The following SPINK6 variants were observed in gnomAD, a reference collection of about 807,000 sequenced individuals.
SPINK6 encodes the protein serine peptidase inhibitor Kazal type 6, also known as serine protease inhibitor Kazal-type 6.
SPINK6 carries 13 observed loss-of-function variants against 11.7 expected under a neutral mutation model. The observed-to-expected ratio is 1.11, with a 90% CI of 0.72 to 1.76. SPINK6 has a LOEUF of 1.76. Among genes scored for constraint, SPINK6 ranks in the 40% most tolerant of loss-of-function variants. The pLI is 0.00. For missense variants in SPINK6, 98 were observed against 93.7 expected (o/e 1.05, Z -0.19); for synonymous variants, 21 against 31.9 (o/e 0.66, Z 1.15).
intron 2 of SPINK6, among the ~76,000 whole-genome samples, chr5:148,208,087 T>C (rs1755523591): frequency 6.6e-6 from 1 of 152,180 alleles, no homozygotes; most frequent in African/African-American, 2.4e-5. Flanking sequence ...ATAATATAGA[T>C]GAGTGGAGTC....
At chr5:148,210,007 C>CCTACACACGTACGTATGT (rs1408259548) in intron 2 of SPINK6, among the ~76,000 whole-genome samples, 2 of 105,730 alleles carry the variant, frequency 1.9e-5, no homozygotes, top group African/African-American at 5.1e-5. Flanking sequence ...CGTATGTATA[C>CCTACACACGTACGTATGT]ATGTATGTAC....
At chr5:148,210,007 C>CATACACACGGACGTATGT (rs1554112271) in intron 2 of SPINK6, among the ~76,000 whole-genome samples, 1 of 105,730 alleles carries the variant, frequency 9.5e-6, no homozygotes, top group Non-Finnish European at 1.8e-5. Flanking sequence ...CGTATGTATA[C>CATACACACGGACGTATGT]ATGTATGTAC....
chr5:148,213,348 C>T (rs879805080), intron 2 of SPINK6, among the ~76,000 whole-genome samples: 1 of 151,998 alleles, frequency 6.6e-6, no homozygotes, highest in African/African-American at 2.4e-5. Flanking sequence ...AGGTGCCCGC[C>T]ACCACACCCG....
At chr5:148,203,275 CATA>C (rs1561729956) in intron 1 of SPINK6, 121 bp downstream of exon 1, 2 of 688,672 alleles carry the variant, frequency 2.9e-6, no homozygotes, top group African/African-American at 3.6e-5. Context: ...GAGAGATTAT[CATA>C]ATGATGATAA....
chr5:148,213,952 C>G lies in SPINK6; in HGVS notation c.124C>G (p.Arg42Gly), dbSNP rs756589379. 6.2e-7 allele frequency: 1 copy of G among 1,613,578 alleles called. No individual in the cohort carries two copies. The highest frequency in any genetic ancestry group is 1.1e-5 in the South Asian group (1 of 91,066). ...CCAGGACCCCAAGGTCTACTGCACTCGGGAATCTAACCCACACTGTGGCTC... is the reference window on the plus strand; with the variant it reads ...CCAGGACCCCAAGGTCTACTGCACTGGGGAATCTAACCCACACTGTGGCTC... ...EFQDPKVYCT[R>G]ESNPHCGSDG... The change falls in exon 3 of 4, where the codon CGG becomes GGG. Residue 42 changes from arginine to glycine, a missense_variant. Coordinates refer to ENST00000325630, the MANE Select transcript of SPINK6 (RefSeq NM_205841.4).
intron 2 of SPINK6, among the ~76,000 whole-genome samples, chr5:148,207,697 G>A (rs1027606468): frequency 1.3e-5 from 2 of 152,094 alleles, no homozygotes; most frequent in African/African-American, 4.8e-5. Context: ...CAGGCGTGGT[G>A]GAGTACCTGC....
At chr5:148,209,997 C>CACGTACGGAT (rs1561732192) in intron 2 of SPINK6, among the ~76,000 whole-genome samples, 4 of 145,990 alleles carry the variant, frequency 2.7e-5, no homozygotes, top group South Asian at 4.4e-4. Flanking sequence ...TACATATACA[C>CACGTACGGAT]GTATGTATAC....
chr5:148,203,431 T>C (rs1755460481), intron 1 of SPINK6, among the ~76,000 whole-genome samples: 1 of 152,270 alleles, frequency 6.6e-6, no homozygotes, highest in Non-Finnish European at 1.5e-5. Flanking sequence ...ATCTCTGTTC[T>C]TCATATAAGA....
At position 148,214,963 on chromosome 5, in the gene SPINK6, G is replaced by T; in HGVS notation, c.*13G>T. On this transcript the variant is annotated 3_prime_UTR_variant, in exon 4 of 4. Transcript: ENST00000325630. ...TGGAAAATGCTGAGTTAAAGCCAAT[G>T]TTTCTTGGTGACTTGCCAGCTTTTG... 1 of 1,613,366 alleles carries T rather than the reference G, an allele frequency of 6.2e-7. No individual in the cohort carries two copies.
At chr5:148,209,993 T>TACGTACGTATGTATGTATACATAC (rs1561732175) in intron 2 of SPINK6, among the ~76,000 whole-genome samples, 1 of 72,064 alleles carries the variant, frequency 1.4e-5, no homozygotes, top group African/African-American at 3.5e-5. Flanking sequence ...TGTATACATA[T>TACGTACGTATGTATGTATACATAC]ACACGTATGT....
chr5:148,209,969 T>TACGTGTGTATGTATACATACAC lies in SPINK6; in HGVS notation c.81+3915_81+3916insGTGTATGTATACATACACACGT, dbSNP rs1561732067. 4.2e-3 allele frequency among the ~76,000 whole-genome samples: 528 copies of TACGTGTGTATGTATACATACAC among 126,630 alleles called. 17 individuals are homozygous for TACGTGTGTATGTATACATACAC. Among genetic ancestry groups the TACGTGTGTATGTATACATACAC allele is most frequent in the Admixed American group, 7.6e-3 (97 of 12,800 alleles). The allele number at this position is 126,630 out of a possible 152,430, so 83.1% of individuals were successfully genotyped here. ...GGTTTCATATATATGTATACATACA[T>TACGTGTGTATGTATACATACAC]ACGTACGTATGTATGTATACATATA... is the stretch of plus-strand genomic sequence containing the variant. On this transcript the variant is annotated intron_variant, in intron 2 of 3. Transcript: ENST00000325630.
chr5:148,206,223 G>T (rs1755496363), intron 2 of SPINK6, among the ~76,000 whole-genome samples, 165 bp downstream of exon 2: 1 of 75,348 alleles, frequency 1.3e-5, no homozygotes, highest in Non-Finnish European at 3.5e-5. Flanking sequence ...ACTCTTGTCA[G>T]TTTAAAAGAA....
chr5:148,213,056 C>T (rs1755633809), intron 2 of SPINK6, among the ~76,000 whole-genome samples: 1 of 149,698 alleles, frequency 6.7e-6, no homozygotes, highest in Non-Finnish European at 1.5e-5. Context: ...ATATACATAT[C>T]CTATATATAT....
Position 148,203,149 on chromosome 5 carries a change from T to G in SPINK6, c.53T>G (p.Leu18Ter). 9.9e-6 allele frequency: 16 copies of G among 1,610,798 alleles called. No individual in the cohort carries two copies. Among genetic ancestry groups the G allele is most frequent in the Non-Finnish European group, 1.3e-5 (15 of 1,179,078 alleles). The change falls in exon 1 of 4, where the codon TTA (leucine) becomes TGA (stop). Residue 18 changes from leucine to a stop codon, truncating the protein, a stop_gained. Transcript: ENST00000325630. LOFTEE classifies it high-confidence loss of function. ...CTCTCTCTGGCTCTTTTCTGCTTTTTAACAGGTAAGTTTTTTCTTAAAATT... is the reference window on the plus strand; with the variant it reads ...CTCTCTCTGGCTCTTTTCTGCTTTTGAACAGGTAAGTTTTTTCTTAAAATT... Reference protein sequence around the residue: ...LLLSLALFCFLTGVFSQGGQV... With the variant: ...LLLSLALFCF
rs1302629774 is a variant in SPINK6, at chr5:148,206,053, G to T, written c.76G>T (p.Gly26Ter). 1.2e-6 allele frequency: 2 copies of T among 1,613,990 alleles called. No homozygotes were observed. The highest frequency in any genetic ancestry group is 4.5e-5 in the East Asian group (2 of 44,856). ...CFLTGVFSQGGQVDCGEFQDP... is the reference protein window; with the variant it reads ...CFLTGVFSQG ...TCTTTCAGGTGTCTTCAGTCAGGGAGGACAGGTCAGTGCCTATTTTTATCT... is the reference window on the plus strand; with the variant it reads ...TCTTTCAGGTGTCTTCAGTCAGGGATGACAGGTCAGTGCCTATTTTTATCT... Residue 26 changes from glycine to a stop codon, truncating the protein, a stop_gained, in exon 2 of 4, where the codon GGA (glycine) becomes TGA (stop). Transcript: ENST00000325630. LOFTEE classifies it high-confidence loss of function.
At chr5:148,205,329 G>T (rs1321811616) in intron 1 of SPINK6, among the ~76,000 whole-genome samples, 2 of 152,062 alleles carry the variant, frequency 1.3e-5, no homozygotes, top group African/African-American at 4.8e-5. Context: ...TGGATTGAGG[G>T]ATTTTATTAT....
rs542997479 is a variant in SPINK6, at chr5:148,211,381, T to G, written c.82-2529T>G. Among the ~76,000 whole-genome samples, 248 of 152,300 alleles carry G rather than the reference T, an allele frequency of 1.6e-3. 2 individuals carry two copies. The highest frequency in any genetic ancestry group is 5.6e-3 in the African/African-American group (233 of 41,564). Reference sequence around the variant, plus strand: ...CAGGATACCATTTAATCTCATGGTGTTGATGATTTTCTATGAGTTACAGAG... The same window carrying G: ...CAGGATACCATTTAATCTCATGGTGGTGATGATTTTCTATGAGTTACAGAG... On this transcript the variant is annotated intron_variant, in intron 2 of 3. Transcript: ENST00000325630.
intron 2 of SPINK6, among the ~76,000 whole-genome samples, chr5:148,209,280 A>T (rs1445887576): frequency 1.3e-5 from 2 of 151,932 alleles, no homozygotes; most frequent in Non-Finnish European, 2.9e-5. Flanking sequence ...ATCTACCAAC[A>T]GCAGTAAAGC....
At position 148,210,005 on chromosome 5, in the gene SPINK6, TAC is replaced by T. The variant is rs1561732230; in HGVS notation, c.82-3903_82-3902del. ...GTATGTATACATATACACGTATGTA[TAC>T]ATGTATGTACGCATGTACGCATGCA... On this transcript the variant is annotated intron_variant, in intron 2 of 3. Transcript: ENST00000325630. Among the ~76,000 whole-genome samples, 170 of 133,230 alleles carry T rather than the reference TAC, an allele frequency of 1.3e-3. 24 individuals are homozygous for T. The highest frequency in any genetic ancestry group is 1.8e-3 in the Admixed American group (25 of 13,724). 87.4% of individuals were successfully genotyped at this position (133,230 alleles called of 152,430 possible). A position where few individuals can be genotyped will look rare whatever the true frequency, so the allele number is the denominator to read the frequency against.
Sources: allele counts gnomAD v4.1 joint callset (sites outside exome capture counted in the v4.1 genomes callset), GRCh38; gene constraint gnomAD v4.1.1; transcripts MANE v1.5; gene names NCBI Gene and HGNC (gene_info 2026-07-23, HGNC 2026-07-21).